Variants in EYS observed in about 807,000 individuals in gnomAD.
EYS encodes the protein protein eyes shut homolog.
Under a neutral mutation model 282.1 loss-of-function variants are expected in EYS, and 250 were observed. The ratio of observed to expected loss-of-function variants is 0.89; its 90% confidence interval spans 0.80 to 0.98. The LOEUF (loss-of-function observed/expected upper bound fraction) is 0.98. EYS is among the 50% of genes least tolerant of loss of function. The pLI, the probability that EYS is intolerant of heterozygous loss-of-function variation, is 0.00. For missense variants in EYS, 4,016 were observed against 3,709.0 expected (o/e 1.08, Z -2.15); for synonymous variants, 1,355 against 1,282.9 (o/e 1.06, Z -1.20).
chr6:64,086,043 C>T (rs917347062), intron 31 of EYS, among the ~76,000 whole-genome samples: 4 of 152,170 alleles, frequency 2.6e-5, no homozygotes, highest in Non-Finnish European at 4.4e-5. Context: ...CTTTTGCAGA[C>T]TGTTTCTTCA....
chr6:65,415,887 A>T (rs1767213217), intron 5 of EYS, among the ~76,000 whole-genome samples: 1 of 152,092 alleles, frequency 6.6e-6, no homozygotes, highest in Non-Finnish European at 1.5e-5. Flanking sequence ...CCTTGCAATT[A>T]GTGAATATAT....
chr6:64,855,629 T>C (rs1342463428), intron 19 of EYS, among the ~76,000 whole-genome samples: 1 of 152,138 alleles, frequency 6.6e-6, no homozygotes, highest in East Asian at 1.9e-4. Flanking sequence ...TATTGATACA[T>C]TATTAAGAGT....
intron 33 of EYS, among the ~76,000 whole-genome samples, chr6:64,047,382 G>A (rs572222951): frequency 3.7e-4 from 56 of 152,186 alleles, no homozygotes; most frequent in African/African-American, 1.2e-3. Context: ...GTGCGGTAGG[G>A]AAAAAGTGTG....
intron 22 of EYS, among the ~76,000 whole-genome samples, chr6:64,789,958 G>A (rs1299070366): frequency 6.6e-6 from 1 of 151,614 alleles, no homozygotes; most frequent in African/African-American, 2.4e-5. Flanking sequence ...AGTTTGTGGT[G>A]GGAAGCAATA....
At chr6:64,272,639 T>A (rs988080400) in intron 30 of EYS, among the ~76,000 whole-genome samples, 5 of 152,184 alleles carry the variant, frequency 3.3e-5, no homozygotes, top group Non-Finnish European at 7.3e-5. Flanking sequence ...TGCAGAGAGA[T>A]CCACTGTTAG....
At chr6:65,042,867 T>G (rs191584924) in intron 13 of EYS, among the ~76,000 whole-genome samples, 1 of 151,330 alleles carries the variant, frequency 6.6e-6, no homozygotes, top group Non-Finnish European at 1.5e-5. Flanking sequence ...AAAATTATTA[T>G]ATATATGTTT....
At chr6:63,904,992 C>T (rs1773740214) in intron 35 of EYS, among the ~76,000 whole-genome samples, 1 of 152,220 alleles carries the variant, frequency 6.6e-6, no homozygotes, top group African/African-American at 2.4e-5. Context: ...TCACCACTAT[C>T]TAGTTCTAGA....
rs570630097 is a variant in EYS at position 64,680,205 on chromosome 6, A to AATGG, written c.3444-53964_3444-53961dup. Among the ~76,000 whole-genome samples, 77 of 152,322 alleles carry AATGG rather than the reference A, an allele frequency of 5.1e-4. 1 individual carries two copies. In the South Asian group the frequency reaches 0.016, roughly 31 times the overall value. ...GAAGAAAGGAAAAGCTTAAGAAAGCAATGGGAACAGACTGCCTTAGTAGTA... is the reference window on the plus strand; with the variant it reads ...GAAGAAAGGAAAAGCTTAAGAAAGCAATGGATGGGAACAGACTGCCTTAGTAGTA... On this transcript the variant is annotated intron_variant, in intron 22 of 42. Transcript: ENST00000503581.
At chr6:64,256,846 GATA>G (rs1407786293) in intron 30 of EYS, among the ~76,000 whole-genome samples, 1 of 151,980 alleles carries the variant, frequency 6.6e-6, no homozygotes, top group Non-Finnish European at 1.5e-5. Context: ...GAGAGATCAA[GATA>G]ATGAGAGCTA....
intron 26 of EYS, among the ~76,000 whole-genome samples, chr6:64,515,972 A>G (rs1777550170): frequency 6.6e-6 from 1 of 151,826 alleles, no homozygotes; most frequent in Admixed American, 6.6e-5. Context: ...TTTCCCATTC[A>G]TATATGTGCA....
chr6:64,597,471 T>A (rs1200350794), intron 24 of EYS, among the ~76,000 whole-genome samples: 1 of 152,094 alleles, frequency 6.6e-6, no homozygotes, highest in Non-Finnish European at 1.5e-5. Flanking sequence ...CACCTATCAG[T>A]GAAGGCTGGA....
At chr6:64,268,409 T>TCTAATGTG (rs1168068181) in intron 30 of EYS, among the ~76,000 whole-genome samples, 2 of 152,222 alleles carry the variant, frequency 1.3e-5, no homozygotes, top group East Asian at 3.9e-4. Context: ...GAGAATCACT[T>TCTAATGTG]CTAATGTGTA....
chr6:64,619,252 A>G (rs1325213303), intron 23 of EYS, among the ~76,000 whole-genome samples: 1 of 152,198 alleles, frequency 6.6e-6, no homozygotes, highest in Non-Finnish European at 1.5e-5. Context: ...AAGCAATTAA[A>G]ATGACATAGT....
At chr6:64,373,834 G>A (rs1161906030) in intron 29 of EYS, among the ~76,000 whole-genome samples, 3 of 152,166 alleles carry the variant, frequency 2.0e-5, no homozygotes, top group African/African-American at 7.2e-5. Context: ...ATCGGTGGAG[G>A]TGGGTGGGTC....
chr6:65,545,690 G>C (rs1387132867), intron 2 of EYS, among the ~76,000 whole-genome samples: 1 of 152,000 alleles, frequency 6.6e-6, no homozygotes, highest in Non-Finnish European at 1.5e-5. Context: ...ATCAAAATAA[G>C]CTACATATTT....
Position 64,358,357 on chromosome 6 carries a change from T to C in EYS, c.6078+30333A>G, listed in dbSNP as rs1771898967. 2.0e-5 allele frequency among the ~76,000 whole-genome samples: 3 copies of C among 151,606 alleles called. No homozygotes were observed. In the South Asian group the frequency reaches 6.2e-4, roughly 31 times the overall value. The stretch of plus-strand genomic sequence containing the variant: ...AAGTGGCAAAACTTGGTGGACAATA[T>C]AGTGTTGAATTGCACATAAAAAGAG... On this transcript the variant is annotated intron_variant, in intron 29 of 42. Transcript: ENST00000503581.
chr6:64,803,339 T>C (rs1374493036), intron 22 of EYS, among the ~76,000 whole-genome samples: 2 of 149,154 alleles, frequency 1.3e-5, no homozygotes, highest in South Asian at 4.3e-4. Context: ...TCCAGATGTC[T>C]CTCTGAGTCT....
At chr6:63,827,850 C>CA (rs58843584) in intron 36 of EYS, among the ~76,000 whole-genome samples, 52 of 84,994 alleles carry the variant, frequency 6.1e-4, no homozygotes, top group African/African-American at 2.0e-3. Context: ...GACTCCGTCT[C>CA]AAAAAAAAAA....
intron 22 of EYS, among the ~76,000 whole-genome samples, chr6:64,644,556 T>A (rs1304173128): frequency 6.6e-6 from 1 of 152,172 alleles, no homozygotes; most frequent in Admixed American, 6.5e-5. Context: ...ATAAGAATTA[T>A]TACAAAGCTA....
Sources: gnomAD v4.1 joint callset for allele counts (sites outside exome capture counted in the v4.1 genomes callset) on GRCh38, gnomAD v4.1.1 for gene constraint, MANE v1.5 for transcripts, NCBI Gene and HGNC (gene_info 2026-07-23, HGNC 2026-07-21) for gene names.